Variants in PLD5 observed in about 807,000 individuals in gnomAD.
PLD5 encodes the protein phospholipase D family member 5.
PLD5 carries 36 observed loss-of-function variants against 61.1 expected under a neutral mutation model. The observed-to-expected ratio is 0.59, with a 90% CI of 0.45 to 0.78. The LOEUF (loss-of-function observed/expected upper bound fraction) is 0.78. PLD5 is among the 30% of genes least tolerant of loss of function. The pLI is 0.00. For missense variants in PLD5, 515 were observed against 644.4 expected (o/e 0.80, Z 2.17); for synonymous variants, 243 against 242.8 (o/e 1.00, Z -0.01).
intron 5 of PLD5, among the ~76,000 whole-genome samples, chr1:242,164,442 A>G (rs1325830896): frequency 6.6e-6 from 1 of 152,090 alleles, no homozygotes; most frequent in African/African-American, 2.4e-5. Context: ...TTGAAGCATG[A>G]CCAGTCTCCA....
chr1:242,249,405 C>T (rs1672579470), intron 4 of PLD5, among the ~76,000 whole-genome samples: 1 of 152,160 alleles, frequency 6.6e-6, no homozygotes, highest in Non-Finnish European at 1.5e-5. Context: ...ATTATCCAGT[C>T]TCAAATAAGT....
intron 2 of PLD5, among the ~76,000 whole-genome samples, chr1:242,321,065 AC>A (rs1341881341): frequency 6.6e-6 from 1 of 152,166 alleles, no homozygotes; most frequent in African/African-American, 2.4e-5. Flanking sequence ...AAAATATTTT[AC>A]CCCAAAGTGT....
chr1:242,101,489 G>A (rs562718821), intron 8 of PLD5, among the ~76,000 whole-genome samples: 6 of 152,260 alleles, frequency 3.9e-5, no homozygotes, highest in African/African-American at 1.4e-4. Context: ...TTTCAGATGA[G>A]GCTTAAACTG....
chr1:242,205,590 T>G (rs188511880), intron 5 of PLD5, among the ~76,000 whole-genome samples: 10 of 152,344 alleles, frequency 6.6e-5, no homozygotes, highest in Admixed American at 6.5e-4. Context: ...ATTTCATGTT[T>G]CCTAAGGAAT....
At chr1:242,157,298 C>T (rs532543993) in intron 5 of PLD5, among the ~76,000 whole-genome samples, 1 of 152,322 alleles carries the variant, frequency 6.6e-6, no homozygotes, top group South Asian at 2.1e-4. Context: ...TGGGTTAGAA[C>T]ATGCTCCTTT....
intron 1 of PLD5, among the ~76,000 whole-genome samples, chr1:242,522,808 T>C (rs1669321420): frequency 2.6e-5 from 4 of 152,218 alleles, no homozygotes; most frequent in South Asian, 2.1e-4. Flanking sequence ...GCGACTTCCA[T>C]AGTCTTAAGG....
intron 7 of PLD5, among the ~76,000 whole-genome samples, chr1:242,108,175 TATCC>T (rs1661212290): frequency 6.6e-6 from 1 of 152,136 alleles, no homozygotes; most frequent in African/African-American, 2.4e-5. Context: ...AAGAACTGAT[TATCC>T]AATCGAATTC....
chr1:242,328,551 T>C (rs577911852), intron 2 of PLD5, among the ~76,000 whole-genome samples: 1 of 152,338 alleles, frequency 6.6e-6, no homozygotes, highest in Admixed American at 6.5e-5. Context: ...ATGTTCTACA[T>C]ATATAGAGAA....
At chr1:242,417,126 C>G (rs571809353) in intron 1 of PLD5, among the ~76,000 whole-genome samples, 2 of 152,270 alleles carry the variant, frequency 1.3e-5, no homozygotes, top group East Asian at 3.9e-4. Flanking sequence ...TAAAAACCTG[C>G]AAGTAATGAT....
intron 2 of PLD5, among the ~76,000 whole-genome samples, chr1:242,304,705 T>C (rs1397609344): frequency 6.6e-6 from 1 of 152,260 alleles, no homozygotes; most frequent in Admixed American, 6.5e-5. Flanking sequence ...TTTTTCATTT[T>C]ATTATTTTCT....
chr1:242,394,877 TGA>T (rs1663364226), intron 1 of PLD5, among the ~76,000 whole-genome samples: 1 of 115,626 alleles, frequency 8.6e-6, no homozygotes, highest in South Asian at 2.6e-4. Context: ...TGAATATATA[TGA>T]ATATATGTAT....
In PLD5 at chr1:242,524,328, C is replaced by T. The variant is rs1669376811; in HGVS notation, c.-52G>A. ...GAGCAGCGGACTCGGGACGGGCGCG[C>T]GGGGAGCCGGGCGCGGAGGGCGAGC... On this transcript the variant is annotated 5_prime_UTR_variant, in exon 1 of 10. Coordinates refer to ENST00000536534, the MANE Select transcript of PLD5 (RefSeq NM_001372062.1). The T allele has an allele frequency of 1.5e-6, 2 of 1,349,790 alleles. No individual in the cohort carries two copies. The highest frequency in any genetic ancestry group is 3.9e-5 in the Admixed American group (1 of 25,622). The allele number at this position is 1,349,790 out of a possible 1,614,324, so 83.6% of individuals were successfully genotyped here.
chr1:242,516,556 T>C (rs949988066), intron 1 of PLD5, among the ~76,000 whole-genome samples: 2 of 152,188 alleles, frequency 1.3e-5, no homozygotes, highest in African/African-American at 2.4e-5. Context: ...GATATGCAAC[T>C]GACCCAGCAC....
rs1311228759 is a variant in PLD5, at chr1:242,348,262, CAAAG to C, written c.190-24_190-21del. Reference sequence around the variant, plus strand: ...CTGGGACTGAAAGAGGAAACAAAGACAAAGAAAAGTAAGTGGTGCTGCTTTCTCT... The same window carrying C: ...CTGGGACTGAAAGAGGAAACAAAGACAAAAGTAAGTGGTGCTGCTTTCTCT... On this transcript the variant is annotated intron_variant, in intron 1 of 9. Transcript: ENST00000536534. 3.3e-6 allele frequency: 2 copies of C among 604,582 alleles called. No individual in the cohort carries two copies. Among genetic ancestry groups the C allele is most frequent in the African/African-American group, 2.0e-5 (1 of 49,002 alleles). The allele number at this position is 604,582 out of a possible 1,614,324, so 37.5% of individuals were successfully genotyped here. A position where few individuals can be genotyped will look rare whatever the true frequency, so the allele number is the denominator to read the frequency against.
chr1:242,282,295 C>T (rs368669010), intron 3 of PLD5, among the ~76,000 whole-genome samples: 1 of 152,016 alleles, frequency 6.6e-6, no homozygotes, highest in African/African-American at 2.4e-5. Context: ...TCCTCTTGCC[C>T]GAGGTTGCAC....
rs112873006 is a variant in PLD5 at position 242,146,190 on chromosome 1, CT to C, written c.736-21526del. On this transcript the variant is annotated intron_variant, in intron 5 of 9. Coordinates refer to ENST00000536534, the MANE Select transcript of PLD5 (RefSeq NM_001372062.1). ...AGGGAAAGTGAGTTTTTAAAGACTT[CT>C]TATTTGTGTGTTGTTACCCTTTGCT... 5.2e-3 allele frequency among the ~76,000 whole-genome samples: 798 copies of C among 152,238 alleles called. 17 individuals carry two copies. In the East Asian group the frequency reaches 0.056, roughly 11 times the overall value.
intron 1 of PLD5, among the ~76,000 whole-genome samples, chr1:242,419,987 C>T (rs764965769): frequency 2.6e-5 from 4 of 152,076 alleles, no homozygotes; most frequent in Non-Finnish European, 5.9e-5. Flanking sequence ...GAGCTTGAGA[C>T]CCAGAAATAA....
intron 5 of PLD5, chr1:242,210,861 G>A (rs1393519580): frequency 2.0e-5 from 3 of 152,240 alleles, no homozygotes; most frequent in South Asian, 2.1e-4. Context: ...TCATACGGAT[G>A]TGCGTGAAAA....
intron 1 of PLD5, among the ~76,000 whole-genome samples, chr1:242,400,670 G>A (rs972527401): frequency 4.6e-5 from 7 of 152,078 alleles, no homozygotes; most frequent in Admixed American, 1.3e-4. Context: ...GGCCCAGCAC[G>A]GACCTAAATC....
Sources: gnomAD v4.1 joint callset for allele counts (sites outside exome capture counted in the v4.1 genomes callset) on GRCh38, gnomAD v4.1.1 for gene constraint, MANE v1.5 for transcripts, NCBI Gene and HGNC (gene_info 2026-07-23, HGNC 2026-07-21) for gene names.